The following ATR variants were observed in gnomAD, a reference collection of about 807,000 sequenced individuals.
ATR encodes the protein ATR checkpoint kinase.
ATR carries 142 observed loss-of-function variants against 305.3 expected under a neutral mutation model. The ratio of observed to expected loss-of-function variants is 0.47; its 90% CI spans 0.41 to 0.53. ATR has a LOEUF of 0.53. ATR is among the 20% of genes least tolerant of loss of function. The pLI, the probability that ATR is intolerant of heterozygous loss-of-function variation, is 0.00. For synonymous variants in ATR, 1,050 were observed against 1,068.1 expected (o/e 0.98, Z 0.33); for missense variants, 2,135 against 3,133.1 (o/e 0.68, Z 7.60).
chr3:142,533,475 G>T (rs1049374362), intron 21 of ATR, among the ~76,000 whole-genome samples: 5 of 152,188 alleles, frequency 3.3e-5, no homozygotes, highest in African/African-American at 1.2e-4. Flanking sequence ...ACTATTGGAA[G>T]TCTTAATTCA....
At position 142,561,788 on chromosome 3, in the gene ATR, T is replaced by C. The variant is rs2034890352; in HGVS notation, c.1171-367A>G. 2.0e-5 allele frequency among the ~76,000 whole-genome samples: 3 copies of C among 152,200 alleles called. No homozygotes were observed. The East Asian group carries it at 5.8e-4, about 29-fold the overall frequency. On this transcript the variant is annotated intron_variant, in intron 4 of 46. Coordinates refer to ENST00000350721, the MANE Select transcript of ATR (RefSeq NM_001184.4). ...TTTAATCAAGTTACTGCATCTCTGA[T>C]GATTTTATTGTATTACCTGACTCCC...
intron 10 of ATR, among the ~76,000 whole-genome samples, chr3:142,554,843 C>G (rs868615346): frequency 1.3e-5 from 2 of 151,652 alleles, no homozygotes; most frequent in African/African-American, 4.8e-5. Context: ...ATCACTTGAG[C>G]CTGGGAGATC....
At chr3:142,570,485 C>G (rs1454647151) in intron 1 of ATR, among the ~76,000 whole-genome samples, 1 of 152,188 alleles carries the variant, frequency 6.6e-6, no homozygotes, top group African/African-American at 2.4e-5. Flanking sequence ...CTCCTGGGTT[C>G]AAGCGATTCT....
intron 36 of ATR, among the ~76,000 whole-genome samples, chr3:142,480,978 C>T (rs924127948): frequency 2.0e-5 from 3 of 152,214 alleles, no homozygotes; most frequent in South Asian, 2.1e-4. Flanking sequence ...TTCCAGGTGC[C>T]ATCTGTCACA....
chr3:142,528,432 A>G (rs1015479960), intron 21 of ATR, among the ~76,000 whole-genome samples: 1 of 152,134 alleles, frequency 6.6e-6, no homozygotes, highest in African/African-American at 2.4e-5. Flanking sequence ...TATGGCATTA[A>G]GCATTAAAAA....
Position 142,450,569 on chromosome 3 carries a change from C to T in ATR, c.7762-967G>A, listed in dbSNP as rs1303310080. ...GAAGTACCCTTTGAAGCACAAACTT[C>T]ACGTTACTTAAATGAATTTGAAGAA... On this transcript the variant is annotated intron_variant, in intron 46 of 46. Coordinates refer to ENST00000350721, the MANE Select transcript of ATR (RefSeq NM_001184.4). 4 of 1,607,658 alleles carry T rather than the reference C, an allele frequency of 2.5e-6. No homozygotes were observed. The African/African-American group carries it at 4.0e-5, about 16-fold the overall frequency.
intron 21 of ATR, among the ~76,000 whole-genome samples, chr3:142,534,786 T>A (rs2033793047): frequency 6.6e-6 from 1 of 152,176 alleles, no homozygotes; most frequent in Admixed American, 6.5e-5. Context: ...AAGACTTACA[T>A]AAACTGCTGC....
intron 34 of ATR, among the ~76,000 whole-genome samples, chr3:142,495,939 C>T (rs2031564530): frequency 6.6e-6 from 1 of 151,932 alleles, no homozygotes; most frequent in Non-Finnish European, 1.5e-5. Context: ...ACTGGCAAGT[C>T]TACAGAGAGC....
At chr3:142,554,751 C>T (rs896800054) in intron 10 of ATR, among the ~76,000 whole-genome samples, 2 of 151,706 alleles carry the variant, frequency 1.3e-5, no homozygotes, top group Non-Finnish European at 2.9e-5. Flanking sequence ...AGTGAGATCC[C>T]TCTCTACAAA....
chr3:142,514,051 C>T (rs868239501), intron 25 of ATR, among the ~76,000 whole-genome samples: 18 of 151,536 alleles, frequency 1.2e-4, no homozygotes, highest in African/African-American at 4.4e-4. Flanking sequence ...GGGAGGATCA[C>T]GAGGTCAAGA....
At chr3:142,469,813 T>C (rs2071218225) in intron 37 of ATR, among the ~76,000 whole-genome samples, 1 of 152,156 alleles carries the variant, frequency 6.6e-6, no homozygotes, top group East Asian at 1.9e-4. Context: ...ATTTTTAGGG[T>C]AAATTATTTG....
rs201492267 is a variant in ATR at position 142,512,266 on chromosome 3, A to C, written c.4846T>G (p.Ser1616Ala). ...AACAGAAGTGATAACTCACCCATTG[A>C]GTCTACCTTATTTCTGTTTGATTTG... Reference protein sequence around the residue: ...HSKSNRNKVDSMVSTVDYEDY... With the variant: ...HSKSNRNKVDAMVSTVDYEDY... Residue 1616 changes from serine (S) to alanine (A), a missense_variant, in exon 27 of 47, where the codon TCA becomes GCA. Around this residue, in one of 9 missense-constraint regions of ATR, gnomAD observed 202 missense variants for 252.9 expected, o/e 0.80. Transcript: ENST00000350721. 1.0e-4 allele frequency: 161 copies of C among 1,579,216 alleles called. No homozygotes were observed. Among genetic ancestry groups the C allele is most frequent in the Non-Finnish European group, 1.2e-4 (138 of 1,153,484 alleles).
chr3:142,526,564 C>CAT (rs1198768782), intron 21 of ATR, among the ~76,000 whole-genome samples: 1 of 151,748 alleles, frequency 6.6e-6, no homozygotes, highest in Non-Finnish European at 1.5e-5. Flanking sequence ...TATATGTACA[C>CAT]ATATACATTA....
chr3:142,526,285 A>C (rs2033384162), intron 21 of ATR, among the ~76,000 whole-genome samples: 1 of 152,094 alleles, frequency 6.6e-6, no homozygotes, highest in South Asian at 2.1e-4. Context: ...GTATATTAGC[A>C]TAAGAAATGG....
chr3:142,506,129 G>A (rs1185770760), intron 28 of ATR, among the ~76,000 whole-genome samples: 1 of 152,170 alleles, frequency 6.6e-6, no homozygotes, highest in Non-Finnish European at 1.5e-5. Flanking sequence ...AATGGGCAGA[G>A]TGAATGAGAA....
At position 142,496,450 on chromosome 3, in the gene ATR, G is replaced by A; in HGVS notation, c.5809C>T (p.His1937Tyr). The change falls in exon 34 of 47, where the codon CAC becomes TAC. Residue 1937 changes from histidine (H) to tyrosine (Y), a missense_variant. By Grantham distance (83) the His-to-Tyr change is moderately conservative. Transcript: ENST00000350721. ...AGGAGAGCATTGTAGGCTGTCTGGT[G>A]GTGACCAGCCTTTCTAGCTACCCTG... ...SARVARKAGH[H>Y]QTAYNALLNA... 1 of 1,611,816 alleles carries A rather than the reference G, an allele frequency of 6.2e-7. No individual in the cohort carries two copies. Among genetic ancestry groups the A allele is most frequent in the Non-Finnish European group, 8.5e-7 (1 of 1,179,404 alleles).
At chr3:142,563,214 C>G in intron 3 of ATR, 105 bp from the exon 4 acceptor site, 2 of 1,171,490 alleles carry the variant, frequency 1.7e-6, no homozygotes, top group East Asian at 4.9e-5. Flanking sequence ...ACTTCACTAA[C>G]AAGAGTGTAA....
intron 36 of ATR, among the ~76,000 whole-genome samples, chr3:142,476,402 G>T (rs1054955983): frequency 6.6e-6 from 1 of 152,050 alleles, no homozygotes; most frequent in Admixed American, 6.5e-5. Flanking sequence ...TCAGATAGTT[G>T]TAGATGTGTG....
intron 7 of ATR, 97 bp downstream of exon 7, chr3:142,559,154 T>TC: frequency 1.5e-6 from 2 of 1,336,072 alleles, no homozygotes; most frequent in Non-Finnish European, 2.1e-6. Flanking sequence ...TTCTGAGTAT[T>TC]CCAAACACGC....
Sources: allele counts gnomAD v4.1 joint callset (sites outside exome capture counted in the v4.1 genomes callset), GRCh38; gene constraint gnomAD v4.1.1; regional missense constraint gnomAD v4.1.1; transcripts MANE v1.5; gene names NCBI Gene and HGNC (gene_info 2026-07-23, HGNC 2026-07-21).